SLC35F1: variants seen among roughly 807,000 people sequenced by gnomAD.
SLC35F1 encodes solute carrier family 35 member F1.
SLC35F1 carries 14 observed loss-of-function variants against 48.7 expected under a neutral mutation model. The observed-to-expected ratio is 0.29, with a 90% CI of 0.19 to 0.45. The LOEUF (loss-of-function observed/expected upper bound fraction) is 0.45, where lower values mean the gene tolerates loss of function less well. Ranked by LOEUF, SLC35F1 falls within the 20% of genes least tolerant of loss-of-function variation. The pLI, the probability that SLC35F1 is intolerant of heterozygous loss-of-function variation, is 1.00. For synonymous variants in SLC35F1, 190 were observed against 202.2 expected (o/e 0.94, Z 0.51); for missense variants, 404 against 500.0 (o/e 0.81, Z 1.83).
intron 1 of SLC35F1, among the ~76,000 whole-genome samples, chr6:118,120,742 G>A (rs1224025745): frequency 3.3e-5 from 5 of 152,232 alleles, no homozygotes; most frequent in South Asian, 4.1e-4. Flanking sequence ...CCCAGGAAGG[G>A]TACAGTAACC....
chr6:118,094,690 C>G (rs1773123558), intron 1 of SLC35F1, among the ~76,000 whole-genome samples: 1 of 151,964 alleles, frequency 6.6e-6, no homozygotes, highest in Non-Finnish European at 1.5e-5. Context: ...GACTGAGGCC[C>G]CATGTGGTGG....
At chr6:118,136,899 G>A (rs1464144486) in intron 1 of SLC35F1, among the ~76,000 whole-genome samples, 1 of 152,128 alleles carries the variant, frequency 6.6e-6, no homozygotes, top group Admixed American at 6.5e-5. Context: ...GTTCTTCAAA[G>A]GGCCTCATTT....
At chr6:117,999,199 C>G in intron 1 of SLC35F1, 1 of 1,595,066 alleles carries the variant, frequency 6.3e-7, no homozygotes. Flanking sequence ...TCAAGGCCCT[C>G]GTAAAGCCCA....
intron 1 of SLC35F1, among the ~76,000 whole-genome samples, chr6:118,074,938 C>G (rs538055338): frequency 1.3e-5 from 2 of 152,302 alleles, no homozygotes; most frequent in African/African-American, 4.8e-5. Context: ...GCCACTGCTC[C>G]CAGTCGAGAC....
chr6:117,916,163 A>C (rs1398915705), intron 1 of SLC35F1, among the ~76,000 whole-genome samples: 2 of 152,206 alleles, frequency 1.3e-5, no homozygotes, highest in African/African-American at 4.8e-5. Flanking sequence ...TGATGAGAAC[A>C]GAAATTGGGA....
intron 2 of SLC35F1, among the ~76,000 whole-genome samples, chr6:118,196,735 TTAAA>T (rs749311039): frequency 5.7e-4 from 86 of 152,088 alleles, no homozygotes; most frequent in African/African-American, 2.0e-3. Context: ...AAAAAATAAA[TTAAA>T]TAAATAAATA....
chr6:118,026,949 T>G (rs1771961315), intron 1 of SLC35F1, among the ~76,000 whole-genome samples: 1 of 152,116 alleles, frequency 6.6e-6, no homozygotes, highest in African/African-American at 2.4e-5. Flanking sequence ...CTCCAAAAAG[T>G]TTTCTGGTCC....
intron 1 of SLC35F1, among the ~76,000 whole-genome samples, chr6:118,112,520 C>T (rs1413400504): frequency 6.6e-6 from 1 of 152,062 alleles, no homozygotes; most frequent in Non-Finnish European, 1.5e-5. Context: ...CTTGCTTTTG[C>T]TTTGCACTGT....
At chr6:118,173,581 G>A (rs1314340713) in intron 2 of SLC35F1, among the ~76,000 whole-genome samples, 1 of 152,096 alleles carries the variant, frequency 6.6e-6, no homozygotes, top group Non-Finnish European at 1.5e-5. Flanking sequence ...GGTAATGCAG[G>A]AGAGCTAAAA....
At position 118,186,579 on chromosome 6, in the gene SLC35F1, T is replaced by A. The variant is rs554946215; in HGVS notation, c.349+31959T>A. On this transcript the variant is annotated intron_variant, in intron 2 of 7. Coordinates refer to ENST00000360388, the MANE Select transcript of SLC35F1 (RefSeq NM_001029858.4). ...GATAATATAAGTATTTCATTTTGAC[T>A]AAGTTTACTGGGATTGGGTCTGCCC... is the stretch of plus-strand genomic sequence containing the variant. Among the ~76,000 whole-genome samples the A allele has an allele frequency of 2.0e-5, 3 of 152,336 alleles. No individual in the cohort carries two copies. The South Asian group carries it at 6.2e-4, about 32-fold the overall frequency.
At chr6:118,138,519 A>G (rs1010385585) in intron 1 of SLC35F1, among the ~76,000 whole-genome samples, 3 of 152,198 alleles carry the variant, frequency 2.0e-5, no homozygotes, top group South Asian at 2.1e-4. Flanking sequence ...CCAAGGCACT[A>G]TATCAGCAAC....
chr6:117,989,689 A>G (rs573410477), intron 1 of SLC35F1, among the ~76,000 whole-genome samples: 5 of 152,300 alleles, frequency 3.3e-5, no homozygotes, highest in Admixed American at 1.3e-4. Context: ...TACTAAACTT[A>G]ATGTTGGATT....
intron 1 of SLC35F1, among the ~76,000 whole-genome samples, chr6:118,102,609 G>A (rs1364741642): frequency 6.6e-6 from 1 of 152,214 alleles, no homozygotes; most frequent in African/African-American, 2.4e-5. Context: ...TCACGTTGTG[G>A]CACAGCAGCT....
At chr6:118,002,987 T>C (rs918733538) in intron 1 of SLC35F1, among the ~76,000 whole-genome samples, 1 of 152,342 alleles carries the variant, frequency 6.6e-6, no homozygotes, top group African/African-American at 2.4e-5. Context: ...GTCAGTCTTA[T>C]GCAGTATTGT....
chr6:118,160,823 A>G (rs933917247), intron 2 of SLC35F1, among the ~76,000 whole-genome samples: 1 of 152,146 alleles, frequency 6.6e-6, no homozygotes, highest in East Asian at 1.9e-4. Context: ...TCATGACCCA[A>G]TGGTCCAGTC....
At chr6:118,138,594 G>C (rs1299267038) in intron 1 of SLC35F1, among the ~76,000 whole-genome samples, 1 of 152,142 alleles carries the variant, frequency 6.6e-6, no homozygotes, top group Non-Finnish European at 1.5e-5. Context: ...TTTATCTGAA[G>C]TGTGCTTGAA....
In SLC35F1 at chr6:118,235,578, TG is replaced by T; in HGVS notation, c.421del (p.Glu141LysfsTer15). ...WKYMILGLID[L>X]EANYLVVKAY... is the part of the protein sequence containing the mutation. Reference sequence around the variant, plus strand: ...TACATGATTTTGGGACTCATAGACCTGGAAGCAAATTATCTGGTGGTCAAGG... The same window carrying T: ...TACATGATTTTGGGACTCATAGACCTGAAGCAAATTATCTGGTGGTCAAGG... On this transcript the variant is annotated frameshift_variant, in exon 3 of 8. Transcript: ENST00000360388. LOFTEE classifies it high-confidence loss of function. 6.2e-7 allele frequency: 1 copy of T among 1,613,576 alleles called. No homozygotes were observed. Among genetic ancestry groups the T allele is most frequent in the Non-Finnish European group, 8.5e-7 (1 of 1,179,676 alleles).
intron 1 of SLC35F1, among the ~76,000 whole-genome samples, chr6:118,145,144 C>T (rs1477414111): frequency 6.6e-6 from 1 of 152,192 alleles, no homozygotes; most frequent in East Asian, 1.9e-4. Context: ...CCTCTCCATA[C>T]CCACAAGCCT....
intron 4 of SLC35F1, among the ~76,000 whole-genome samples, chr6:118,268,643 T>A (rs1368432054): frequency 7.4e-6 from 1 of 135,174 alleles, no homozygotes; most frequent in Non-Finnish European, 1.6e-5. Context: ...AGAGTCCCGC[T>A]CTGTTGCCCA....
Sources: allele counts gnomAD v4.1 joint callset (sites outside exome capture counted in the v4.1 genomes callset), GRCh38; gene constraint gnomAD v4.1.1; transcripts MANE v1.5; gene names NCBI Gene and HGNC (gene_info 2026-07-23, HGNC 2026-07-21).